The following RNF145 variants were observed in gnomAD, a reference collection of about 807,000 sequenced individuals.
RNF145 encodes the protein ring finger protein 145.
Under a neutral mutation model 57.3 loss-of-function variants are expected in RNF145, and 12 were observed. The observed-to-expected ratio is 0.21, with a 90% CI of 0.13 to 0.34. RNF145 has a LOEUF of 0.34. Ranked by LOEUF, RNF145 falls within the 10% of genes least tolerant of loss-of-function variation. The pLI, the probability that RNF145 is intolerant of heterozygous loss-of-function variation, is 1.00. For synonymous variants in RNF145, 262 were observed against 288.3 expected (o/e 0.91, Z 0.92); for missense variants, 429 against 799.0 (o/e 0.54, Z 5.58).
chr5:159,169,637 A>G (rs767474742), intron 7 of RNF145, 42 bp downstream of exon 7: 1 of 1,437,118 alleles, frequency 7.0e-7, no homozygotes, highest in Admixed American at 2.5e-5. Context: ...CAAGTTATCT[A>G]TAGTATTTAC....
chr5:159,169,533 A>T, intron 7 of RNF145, 146 bp downstream of exon 7: 4 of 599,836 alleles, frequency 6.7e-6, no homozygotes, highest in African/African-American at 3.8e-5. Context: ...TTTTCATAGT[A>T]TTTTAACCCA....
chr5:159,172,575 A>G (rs1004304573), intron 6 of RNF145, among the ~76,000 whole-genome samples: 1 of 152,170 alleles, frequency 6.6e-6, no homozygotes, highest in African/African-American at 2.4e-5. Context: ...GTTAAAATGT[A>G]TTTGAATTTG....
At chr5:159,198,239 C>CTAAATAAA (rs10565309) in intron 2 of RNF145, among the ~76,000 whole-genome samples, 15 of 146,944 alleles carry the variant, frequency 1.0e-4, no homozygotes, top group South Asian at 2.2e-4. Flanking sequence ...GACTCTATCT[C>CTAAATAAA]TAAATAAATA....
intron 1 of RNF145, chr5:159,207,911 G>A (rs1157128314): frequency 6.2e-7 from 1 of 1,612,054 alleles, no homozygotes; most frequent in South Asian, 1.1e-5. Context: ...CGCTCAGCCT[G>A]GGTCACGACT....
chr5:159,202,167 G>A (rs754923961), intron 2 of RNF145, among the ~76,000 whole-genome samples: 2 of 152,084 alleles, frequency 1.3e-5, no homozygotes, highest in African/African-American at 4.8e-5. Flanking sequence ...AATATTCCTG[G>A]TTATCAGGCA....
chr5:159,161,308 C>A lies in RNF145; in HGVS notation c.1584G>T (p.Glu528Asp). ...AAATATCATTGTGTTTCTCAAGCTG[C>A]TCTTTCGTAGCAATGGGTAACGATT... is the stretch of plus-strand genomic sequence containing the variant. ...KIKSLPIATK[E>D]QLEKHNDICA... Residue 528 changes from glutamate to aspartate, a missense_variant, in exon 10 of 11, where the codon GAG becomes GAT. By Grantham distance (45) the Glu-to-Asp change is conservative. Around this residue, in one of 4 missense-constraint regions of RNF145, gnomAD observed 216 missense variants for 457.6 expected, o/e 0.47. Transcript: ENST00000424310. The A allele has an allele frequency of 6.2e-7, 1 of 1,613,614 alleles. No individual in the cohort carries two copies. The highest frequency in any genetic ancestry group is 8.5e-7 in the Non-Finnish European group (1 of 1,179,624).
intron 2 of RNF145, among the ~76,000 whole-genome samples, chr5:159,196,394 C>G (rs1785462497): frequency 6.6e-6 from 1 of 152,152 alleles, no homozygotes; most frequent in Admixed American, 6.5e-5. Flanking sequence ...AACACCATCA[C>G]TTTTACTTGA....
intron 6 of RNF145, among the ~76,000 whole-genome samples, chr5:159,173,707 T>C (rs1383794652): frequency 6.6e-6 from 1 of 152,224 alleles, no homozygotes; most frequent in Admixed American, 6.5e-5. Context: ...TAATTTTAAC[T>C]TGAAATTGAA....
intron 8 of RNF145, among the ~76,000 whole-genome samples, chr5:159,163,880 A>G (rs932907008): frequency 6.6e-6 from 1 of 152,166 alleles, no homozygotes; most frequent in Non-Finnish European, 1.5e-5. Context: ...TTCCTCCATC[A>G]TGCTCTCCAT....
intron 1 of RNF145, 131 bp downstream of exon 1, chr5:159,209,100 G>T: frequency 5.2e-6 from 1 of 190,544 alleles, no homozygotes; most frequent in Non-Finnish European, 9.5e-6. Context: ...GAGGTGAAGC[G>T]AGATAAAAGG....
At chr5:159,176,577 A>G (rs1055515466) in intron 5 of RNF145, 55 bp downstream of exon 5, 1 of 1,020,478 alleles carries the variant, frequency 9.8e-7, no homozygotes, top group Non-Finnish European at 1.5e-6. Flanking sequence ...ACTTTAATGT[A>G]CTTAACATTT....
intron 8 of RNF145, among the ~76,000 whole-genome samples, chr5:159,168,600 A>G (rs1784455562): frequency 6.6e-6 from 1 of 152,210 alleles, no homozygotes; most frequent in African/African-American, 2.4e-5. Flanking sequence ...AAAAAGTATT[A>G]ACTTCATCTG....
At chr5:159,207,599 G>A in intron 1 of RNF145, 1 of 1,594,128 alleles carries the variant, frequency 6.3e-7, no homozygotes, top group Non-Finnish European at 8.5e-7. Flanking sequence ...CACTGAAAAT[G>A]TTAAGAGCAC....
chr5:159,209,919 T>G (rs945637698), upstream of RNF145: 1 of 1,535,742 alleles, frequency 6.5e-7, no homozygotes, highest in East Asian at 2.4e-5. Context: ...GTAGCAATGA[T>G]GCGAGAATTC....
At chr5:159,209,916 T>G, upstream of RNF145, 1 of 1,535,832 alleles carries the variant, frequency 6.5e-7, no homozygotes, top group Non-Finnish European at 8.7e-7. Context: ...GCAGTAGCAA[T>G]GATGCGAGAA....
At chr5:159,209,667 C>G, upstream of RNF145, 1 of 955,126 alleles carries the variant, frequency 1.0e-6, no homozygotes, top group Non-Finnish European at 1.4e-6. Flanking sequence ...GAGTGCTTTC[C>G]GCACCGCCTC....
At chr5:159,206,569 C>G (rs1241678957) in intron 1 of RNF145, among the ~76,000 whole-genome samples, 1 of 152,100 alleles carries the variant, frequency 6.6e-6, no homozygotes, top group East Asian at 1.9e-4. Flanking sequence ...CATACAAACA[C>G]GAAGTAAAAT....
intron 3 of RNF145, among the ~76,000 whole-genome samples, chr5:159,185,860 C>T (rs111968412): frequency 9.8e-5 from 15 of 152,290 alleles, no homozygotes; most frequent in Middle Eastern, 3.4e-3. Flanking sequence ...GAAAAATCTA[C>T]GTCCCTAGTC....
Position 159,162,986 on chromosome 5 carries a change from G to A in RNF145, c.1215C>T (p.His405=). 6.2e-7 allele frequency: 1 copy of A among 1,613,224 alleles called. No homozygotes were observed. The highest frequency in any genetic ancestry group is 8.5e-7 in the Non-Finnish European group (1 of 1,179,740). ...YMAYMICQFF[H]MDFWLLIIIS... ...TAATGATAAGAAGCCAAAAATCCAT[G>A]TGGAAAAACTGGCAAATCATATAAG... The change falls in exon 9 of 11, where the codon CAC becomes CAT. Residue 405 remains histidine, a synonymous_variant. Transcript: ENST00000424310.
Sources: allele counts gnomAD v4.1 joint callset (sites outside exome capture counted in the v4.1 genomes callset), GRCh38; gene constraint gnomAD v4.1.1; regional missense constraint gnomAD v4.1.1; transcripts MANE v1.5; gene names NCBI Gene and HGNC (gene_info 2026-07-23, HGNC 2026-07-21).